The following TESK2 variants were observed in gnomAD, a reference collection of about 807,000 sequenced individuals.
The protein encoded by TESK2 is testis associated actin remodelling kinase 2, also known as dual specificity testis-specific protein kinase 2.
A neutral mutation model predicts 57.1 loss-of-function variants in TESK2; 39 were observed. That is an observed-to-expected ratio of 0.68 (90% confidence interval 0.53 to 0.89). The LOEUF is 0.89. TESK2 is among the 40% of genes least tolerant of loss of function. The pLI is 0.00. For synonymous variants in TESK2, 249 were observed against 267.9 expected, an observed-to-expected ratio of 0.93 and a Z score of 0.69; for missense variants, 646 against 732.1, an observed-to-expected ratio of 0.88 and a Z score of 1.36.
At chr1:45,487,075 C>A (rs780282574) in intron 1 of TESK2, among the ~76,000 whole-genome samples, 44 of 152,084 alleles carry the variant, frequency 2.9e-4, no homozygotes, top group African/African-American at 5.5e-4. Context: ...GTGATCCACC[C>A]GCCTTGGCCT....
At chr1:45,416,071 C>CA (rs1557564223) in intron 3 of TESK2, among the ~76,000 whole-genome samples, 1 of 79,570 alleles carries the variant, frequency 1.3e-5, no homozygotes, top group Non-Finnish European at 2.6e-5. Context: ...TAATCTAGAG[C>CA]CTTTTTTTTT....
At chr1:45,356,037 A>C (rs779663219) in intron 4 of TESK2, among the ~76,000 whole-genome samples, 13 of 152,188 alleles carry the variant, frequency 8.5e-5, no homozygotes, top group Non-Finnish European at 1.8e-4. Context: ...CTTTTTAAAG[A>C]AAATATTATT....
At chr1:45,373,175 C>CAAAAGATTTGT (rs1260580867) in intron 4 of TESK2, among the ~76,000 whole-genome samples, 3 of 152,018 alleles carry the variant, frequency 2.0e-5, no homozygotes, top group Non-Finnish European at 4.4e-5. Context: ...ATTTCAGGAC[C>CAAAAGATTTGT]ACTCCAGCTG....
chr1:45,457,420 G>A (rs570963403), intron 2 of TESK2, 144 bp downstream of exon 2: 2 of 686,382 alleles, frequency 2.9e-6, no homozygotes, highest in South Asian at 2.0e-5. Flanking sequence ...TTAATAAATA[G>A]CTTGAAAGGA....
intron 2 of TESK2, among the ~76,000 whole-genome samples, chr1:45,440,724 A>AAC (rs1553154335): frequency 2.7e-5 from 4 of 148,746 alleles, no homozygotes; most frequent in African/African-American, 1.0e-4. Context: ...TCAAAAAAAA[A>AAC]AAACAAACAA....
At chr1:45,362,173 G>A (rs1235797570) in intron 4 of TESK2, among the ~76,000 whole-genome samples, 1 of 152,178 alleles carries the variant, frequency 6.6e-6, no homozygotes, top group Non-Finnish European at 1.5e-5. Context: ...CTCCAGAAGT[G>A]TGAGAAATAA....
At chr1:45,365,914 T>C (rs1647895046) in intron 4 of TESK2, among the ~76,000 whole-genome samples, 1 of 151,954 alleles carries the variant, frequency 6.6e-6, no homozygotes. Flanking sequence ...GACCTTGTGA[T>C]CCACCTACCT....
At chr1:45,456,512 C>T (rs557475533) in intron 2 of TESK2, among the ~76,000 whole-genome samples, 20 of 150,726 alleles carry the variant, frequency 1.3e-4, no homozygotes, top group African/African-American at 4.6e-4. Context: ...GAGTGAGACT[C>T]CATCTCAAAA....
chr1:45,344,694 G>A lies in TESK2; in HGVS notation c.*146C>T, dbSNP rs574606504. The A allele has an allele frequency of 2.9e-5, 21 of 714,524 alleles. No individual in the cohort carries two copies. Among genetic ancestry groups the A allele is most frequent in the Non-Finnish European group, 4.6e-5 (20 of 430,638 alleles). The allele number at this position is 714,524 out of a possible 1,614,324, so 44.3% of individuals were successfully genotyped here. ...TGCCTCCCGTCATACACAGCCAATG[G>A]GCACTGGGAGCCCAGAAGTTGAGCC... On this transcript the variant is annotated 3_prime_UTR_variant, in exon 11 of 11. Coordinates refer to ENST00000372086, the MANE Select transcript of TESK2 (RefSeq NM_007170.3).
chr1:45,394,386 A>G (rs1649272713), intron 3 of TESK2, among the ~76,000 whole-genome samples: 1 of 149,026 alleles, frequency 6.7e-6, no homozygotes, highest in African/African-American at 2.5e-5. Context: ...GCTGGTCTCA[A>G]GTTCCTGGCC....
Position 45,359,492 on chromosome 1 carries a change from G to A in TESK2, c.394-4043C>T, listed in dbSNP as rs187286062. Among the ~76,000 whole-genome samples the A allele has an allele frequency of 3.0e-4, 45 of 150,854 alleles. 1 individual carries two copies. The highest frequency in any genetic ancestry group is 2.6e-3 in the Admixed American group (39 of 15,136). ...GGAGAATCACTTGAACCCGGGAGGCGGAGGCTGCAGTGAAGTGAGATTGAG... is the reference window on the plus strand; with the variant it reads ...GGAGAATCACTTGAACCCGGGAGGCAGAGGCTGCAGTGAAGTGAGATTGAG... On this transcript the variant is annotated intron_variant, in intron 4 of 10. Coordinates refer to ENST00000372086, the MANE Select transcript of TESK2 (RefSeq NM_007170.3).
At chr1:45,483,769 G>A (rs142746295) in intron 1 of TESK2, among the ~76,000 whole-genome samples, 1 of 151,874 alleles carries the variant, frequency 6.6e-6, no homozygotes, top group East Asian at 1.9e-4. Flanking sequence ...AGGCTGAAAT[G>A]GGAGGAGTGT....
chr1:45,400,693 A>T (rs533699794), intron 3 of TESK2, among the ~76,000 whole-genome samples: 1 of 152,232 alleles, frequency 6.6e-6, no homozygotes, highest in South Asian at 2.1e-4. Flanking sequence ...TTAAAGCATA[A>T]ATGTCCTCCC....
chr1:45,435,741 ATTT>A (rs1371136427), intron 2 of TESK2, among the ~76,000 whole-genome samples: 1 of 137,318 alleles, frequency 7.3e-6, no homozygotes, highest in African/African-American at 2.7e-5. Context: ...ATTTTATTTT[ATTT>A]TATTATTTGA....
At chr1:45,451,679 T>C (rs1651877641) in intron 2 of TESK2, among the ~76,000 whole-genome samples, 1 of 152,158 alleles carries the variant, frequency 6.6e-6, no homozygotes, top group Admixed American at 6.5e-5. Flanking sequence ...CTAAACTGGC[T>C]CGACATTTGT....
chr1:45,469,609 G>A (rs142225800), intron 1 of TESK2, among the ~76,000 whole-genome samples: 1 of 152,228 alleles, frequency 6.6e-6, no homozygotes, highest in East Asian at 1.9e-4. Flanking sequence ...TACGTAGAAA[G>A]CTACTACTAT....
chr1:45,435,623 CTTTT>C (rs548276799), intron 2 of TESK2, among the ~76,000 whole-genome samples: 1 of 69,172 alleles, frequency 1.4e-5, no homozygotes. Flanking sequence ...GCTCAGTATT[CTTTT>C]TTTTTTTTTT....
chr1:45,373,852 C>A (rs528527741), intron 4 of TESK2, among the ~76,000 whole-genome samples: 1 of 152,266 alleles, frequency 6.6e-6, no homozygotes, highest in African/African-American at 2.4e-5. Flanking sequence ...TATTGGGAGA[C>A]CCTCCTTCCA....
intron 3 of TESK2, among the ~76,000 whole-genome samples, chr1:45,417,399 T>A (rs983331362): frequency 6.6e-6 from 1 of 151,860 alleles, no homozygotes; most frequent in Non-Finnish European, 1.5e-5. Flanking sequence ...ACCCGGCTAA[T>A]TTTATATTTT....
Sources: allele counts gnomAD v4.1 joint callset (sites outside exome capture counted in the v4.1 genomes callset), GRCh38; gene constraint gnomAD v4.1.1; transcripts MANE v1.5; gene names NCBI Gene and HGNC (gene_info 2026-07-23, HGNC 2026-07-21).